MTR: variants seen among roughly 807,000 people sequenced by gnomAD.
MTR encodes the protein methionine synthase.
Under a neutral mutation model 154.8 loss-of-function variants are expected in MTR, and 84 were observed. The observed-to-expected ratio is 0.54, with a 90% CI of 0.45 to 0.65. MTR has a LOEUF of 0.65. Ranked by LOEUF, MTR falls within the 30% of genes least tolerant of loss-of-function variation. The probability of loss-of-function intolerance (pLI) is 0.00; values close to 1 mark genes in which losing one functional copy is unlikely to be tolerated. For synonymous variants in MTR, 554 were observed against 553.9 expected, an observed-to-expected ratio of 1.00 and a Z score of 0.00; for missense variants, 1,275 against 1,570.2, an observed-to-expected ratio of 0.81 and a Z score of 3.18.
In MTR at chr1:236,886,153, C is replaced by T. The variant is rs41295948; in HGVS notation, c.2776-139C>T. 0.018 allele frequency: 13,420 copies of T among 735,822 alleles called. 182 individuals carry two copies. The highest frequency in any genetic ancestry group is 0.028 in the Middle Eastern group (79 of 2,772). 45.6% of individuals were successfully genotyped at this position (735,822 alleles called of 1,614,324 possible). The stretch of plus-strand genomic sequence containing the variant: ...AACCGACTGGGTAGAAAAGGAAGAG[C>T]TTTTTAGAATAAACATTCTCATGAA... On this transcript the variant is annotated intron_variant, in intron 26 of 32. Transcript: ENST00000366577.
At chr1:236,873,473 T>TA (rs917586044) in intron 22 of MTR, among the ~76,000 whole-genome samples, 8 of 152,118 alleles carry the variant, frequency 5.3e-5, no homozygotes, top group Non-Finnish European at 1.2e-4. Context: ...TCACCACAAT[T>TA]AAAAAAATAA....
intron 15 of MTR, among the ~76,000 whole-genome samples, chr1:236,842,126 C>A (rs923382007): frequency 1.3e-5 from 2 of 152,126 alleles, no homozygotes; most frequent in Admixed American, 6.5e-5. Flanking sequence ...CTCCTGACCT[C>A]GTGATCCGCC....
chr1:236,871,821 T>G (rs1420508212), intron 22 of MTR, among the ~76,000 whole-genome samples: 3 of 152,158 alleles, frequency 2.0e-5, no homozygotes, highest in Non-Finnish European at 4.4e-5. Context: ...TACTGAAGAT[T>G]CCATATGTCA....
Position 236,835,598 on chromosome 1 carries a change from G to A in MTR, c.1240G>A (p.Asp414Asn). Residue 414 changes from aspartate (D) to asparagine (N), a missense_variant, in exon 14 of 33, where the codon GAT (aspartate) becomes AAT (asparagine). By Grantham distance (23) the Asp-to-Asn change is conservative. Coordinates refer to ENST00000366577, the MANE Select transcript of MTR (RefSeq NM_000254.3). ...GGTGGAAATGGGAGCCCAGGTGTTGGATGTCAACATGGATGATGGCATGCT... is the reference window on the plus strand; with the variant it reads ...GGTGGAAATGGGAGCCCAGGTGTTGAATGTCAACATGGATGATGGCATGCT... ...VQVEMGAQVL[D>N]VNMDDGMLDG... The A allele has an allele frequency of 6.2e-7, 1 of 1,610,932 alleles. No individual in the cohort carries two copies. The highest frequency in any genetic ancestry group is 8.5e-7 in the Non-Finnish European group (1 of 1,179,434).
intron 24 of MTR, among the ~76,000 whole-genome samples, chr1:236,878,092 A>G (rs1017008935): frequency 1.3e-5 from 2 of 151,104 alleles, no homozygotes; most frequent in Non-Finnish European, 2.9e-5. Context: ...TTTATCAGAA[A>G]TACATATATT....
intron 18 of MTR, among the ~76,000 whole-genome samples, chr1:236,857,140 C>T (rs1310847749): frequency 1.3e-5 from 2 of 152,188 alleles, no homozygotes; most frequent in Non-Finnish European, 2.9e-5. Flanking sequence ...AATTTACACT[C>T]CCATCAGCAG....
At chr1:236,872,450 T>G (rs1665188819) in intron 22 of MTR, among the ~76,000 whole-genome samples, 2 of 152,180 alleles carry the variant, frequency 1.3e-5, no homozygotes, top group African/African-American at 4.8e-5. Context: ...ACCTGACCTC[T>G]TTTTCATGAT....
chr1:236,799,354 A>C (rs1274393771), intron 1 of MTR, among the ~76,000 whole-genome samples: 1 of 150,330 alleles, frequency 6.7e-6, no homozygotes, highest in East Asian at 2.0e-4. Flanking sequence ...GAACTCGTGG[A>C]CTCAGTGATC....
At chr1:236,877,136 A>G (rs765453594) in intron 24 of MTR, among the ~76,000 whole-genome samples, 1 of 152,240 alleles carries the variant, frequency 6.6e-6, no homozygotes, top group Non-Finnish European at 1.5e-5. Flanking sequence ...TTTCCACGCA[A>G]CCTCCAAGCA....
chr1:236,825,241 A>C (rs1662221750), intron 9 of MTR, 97 bp from the exon 10 acceptor site: 6 of 767,182 alleles, frequency 7.8e-6, no homozygotes, highest in Non-Finnish European at 1.2e-5. Flanking sequence ...CATTTAATAT[A>C]AATATAAAAT....
chr1:236,834,219 A>C (rs1261293644), intron 13 of MTR, among the ~76,000 whole-genome samples: 1 of 152,160 alleles, frequency 6.6e-6, no homozygotes, highest in Non-Finnish European at 1.5e-5. Context: ...TTGCTCTGTC[A>C]CCCAGGCTGG....
rs1235397984 is a variant in MTR at position 236,899,261 on chromosome 1, G to A, written c.*1617G>A. 1 of 152,090 alleles carries A rather than the reference G, an allele frequency of 6.6e-6. No individual in the cohort carries two copies. The highest frequency in any genetic ancestry group is 1.5e-5 in the Non-Finnish European group (1 of 68,016). The allele number at this position is 152,090 out of a possible 1,614,324, so 9.4% of individuals were successfully genotyped here. ...CTTCTAAATATGAAGGAGAGGTTGG[G>A]GACACGCACCCTATGTGATACCAAG... On this transcript the variant is annotated 3_prime_UTR_variant, in exon 33 of 33. Transcript: ENST00000366577.
At chr1:236,897,489 T>C in intron 32 of MTR, 69 bp from the exon 33 acceptor site, 1 of 1,426,510 alleles carries the variant, frequency 7.0e-7, no homozygotes, top group Non-Finnish European at 9.9e-7. Flanking sequence ...TCTTGGCAAA[T>C]CTTGTGGAAA....
At position 236,850,411 on chromosome 1, in the gene MTR, G is replaced by C. The variant is rs1663831931; in HGVS notation, c.1583G>C (p.Gly528Ala). The C allele has an allele frequency of 5.0e-6, 8 of 1,613,526 alleles. No individual in the cohort carries two copies. Among genetic ancestry groups the C allele is most frequent in the African/African-American group, 1.3e-5 (1 of 74,770 alleles). ...TACCATCTGCTTGTGAAAAAACTGG[G>C]CTTTAATCCAAATGACATTATTTTT... ...RAYHLLVKKL[G>A]FNPNDIIFDP... is the part of the protein sequence containing the mutation. The change falls in exon 16 of 33, where the codon GGC becomes GCC. Residue 528 changes from glycine to alanine, a missense_variant. Gly to Ala is a moderately conservative substitution (Grantham distance 60). Transcript: ENST00000366577.
Position 236,852,698 on chromosome 1 carries a change from A to G in MTR, c.1812+61A>G. 6 of 1,460,350 alleles carry G rather than the reference A, an allele frequency of 4.1e-6. No individual in the cohort carries two copies. In the South Asian group the frequency reaches 5.7e-5, roughly 14 times the overall value. 90.5% of individuals were successfully genotyped at this position (1,460,350 alleles called of 1,614,324 possible). On this transcript the variant is annotated intron_variant, in intron 17 of 32. Transcript: ENST00000366577. ...GTTTTTAGTTGGGGCAGGGGTTTTC[A>G]AAGTGTGGCATGCAGGCTAAGTCCG... is the stretch of plus-strand genomic sequence containing the variant.
intron 32 of MTR, among the ~76,000 whole-genome samples, 192 bp downstream of exon 32, chr1:236,897,310 G>GCACGCACACACACA (rs1373475510): frequency 5.4e-5 from 7 of 128,614 alleles, no homozygotes; most frequent in African/African-American, 1.9e-4. Context: ...CCACACACAC[G>GCACGCACACACACA]CACACACACA....
At chr1:236,860,560 A>G (rs1054262409) in intron 19 of MTR, among the ~76,000 whole-genome samples, 1 of 152,114 alleles carries the variant, frequency 6.6e-6, no homozygotes, top group Non-Finnish European at 1.5e-5. Context: ...GGATAAGTCA[A>G]TGGAGGCTTC....
At chr1:236,834,674 T>G (rs79227941) in intron 13 of MTR, among the ~76,000 whole-genome samples, 2 of 152,242 alleles carry the variant, frequency 1.3e-5, no homozygotes, top group Non-Finnish European at 2.9e-5. Flanking sequence ...GATTTTATCC[T>G]TGCTTATTTC....
chr1:236,795,685 AAGG>A lies in MTR; in HGVS notation c.-13_-11del, dbSNP rs1064794430. 1.9e-6 allele frequency: 3 copies of A among 1,613,882 alleles called. No individual in the cohort carries two copies. The highest frequency in any genetic ancestry group is 2.5e-6 in the Non-Finnish European group (3 of 1,180,018). On this transcript the variant is annotated 5_prime_UTR_variant, in exon 1 of 33. Coordinates refer to ENST00000366577, the MANE Select transcript of MTR (RefSeq NM_000254.3). ...GTCTTCTCTGCCGCGCCCTCTGCGC[AAGG>A]AGGAGACTCGACAACATGTCACCCG...
Sources: gnomAD v4.1 joint callset for allele counts (sites outside exome capture counted in the v4.1 genomes callset) on GRCh38, gnomAD v4.1.1 for gene constraint, MANE v1.5 for transcripts, NCBI Gene and HGNC (gene_info 2026-07-23, HGNC 2026-07-21) for gene names.